The following GSDMB variants were observed in gnomAD, a reference collection of about 807,000 sequenced individuals.
GSDMB encodes the protein gasdermin-B.
Under a neutral mutation model 42.9 loss-of-function variants are expected in GSDMB, and 32 were observed. The ratio of observed to expected loss-of-function variants is 0.75; its 90% CI spans 0.56 to 1.00. The LOEUF is 1.00. GSDMB is among the 50% of genes least tolerant of loss of function. The pLI is 0.00. For missense variants in GSDMB, 468 were observed against 498.5 expected (o/e 0.94, Z 0.58); for synonymous variants, 175 against 193.7 (o/e 0.90, Z 0.80).
At chr17:39,916,512 G>A (rs926505314) in intron 2 of GSDMB, among the ~76,000 whole-genome samples, 2 of 151,084 alleles carry the variant, frequency 1.3e-5, no homozygotes, top group East Asian at 1.9e-4. Flanking sequence ...GGATGGTCTC[G>A]ATCTCCTGAC....
rs2063471939 is a variant in GSDMB at position 39,904,706 on chromosome 17, G to A, written c.*106C>T. The A allele has an allele frequency of 1.1e-6, 1 of 916,126 alleles. No homozygotes were observed. The highest frequency in any genetic ancestry group is 1.6e-5 in the South Asian group (1 of 61,800). The allele number at this position is 916,126 out of a possible 1,614,324, so 56.7% of individuals were successfully genotyped here. A position where few individuals can be genotyped will look rare whatever the true frequency, so the allele number is the denominator to read the frequency against. On this transcript the variant is annotated 3_prime_UTR_variant, in exon 11 of 11. Transcript: ENST00000418519. Reference sequence around the variant, plus strand: ...TACATCAAAGAATGGTTGGCTGCTTGTTTTAAAGAGGTCCCACTGGTGACA... The same window carrying A: ...TACATCAAAGAATGGTTGGCTGCTTATTTTAAAGAGGTCCCACTGGTGACA...
chr17:39,909,066 C>G, intron 4 of GSDMB, 24 bp from the exon 5 acceptor site: 1 of 1,425,902 alleles, frequency 7.0e-7, no homozygotes, highest in Non-Finnish European at 9.7e-7. Context: ...CTCACATTGA[C>G]GGATCCCCAG....
At chr17:39,916,280 A>ATTTTTTTTTTT (rs3076832) in intron 2 of GSDMB, among the ~76,000 whole-genome samples, 2 of 119,116 alleles carry the variant, frequency 1.7e-5, no homozygotes, top group African/African-American at 6.6e-5. Context: ...TTCTCATTTG[A>ATTTTTTTTTTT]TTTTTTTTTT....
chr17:39,906,536 A>T, intron 7 of GSDMB: 2 of 1,365,160 alleles, frequency 1.5e-6, no homozygotes, highest in Non-Finnish European at 1.9e-6. Flanking sequence ...GGAAAAAAAC[A>T]AAAACTTGGT....
chr17:39,908,865 A>C, intron 5 of GSDMB, 93 bp downstream of exon 5: 1 of 814,694 alleles, frequency 1.2e-6, no homozygotes, highest in Non-Finnish European at 2.1e-6. Context: ...CCAGCCACCC[A>C]CCCTAGGCTG....
rs1011082 is a variant in GSDMB at position 39,912,261 on chromosome 17, T to A, written c.407+65A>T. ...TTAAAAAGAGCCGGTCTGCCACCCT[T>A]GAATCCCTTGGTGCCCAAGATGGGC... On this transcript the variant is annotated intron_variant, in intron 3 of 10. Coordinates refer to ENST00000418519, the MANE Select transcript of GSDMB (RefSeq NM_001165958.2). 2.2e-5 allele frequency: 26 copies of A among 1,193,980 alleles called. 1 individual carries two copies. Among genetic ancestry groups the A allele is most frequent in the Non-Finnish European group, 2.9e-5 (24 of 829,062 alleles). The allele number at this position is 1,193,980 out of a possible 1,614,324, so 74.0% of individuals were successfully genotyped here. A position where few individuals can be genotyped will look rare whatever the true frequency, so the allele number is the denominator to read the frequency against.
At chr17:39,912,108 AG>A (rs2063620667) in intron 3 of GSDMB, among the ~76,000 whole-genome samples, 1 of 152,142 alleles carries the variant, frequency 6.6e-6, no homozygotes, top group Admixed American at 6.6e-5. Flanking sequence ...GAGAAGAGGA[AG>A]GCGTGCTTGC....
Position 39,905,995 on chromosome 17 carries a change from G to T in GSDMB, c.889-10C>A, listed in dbSNP as rs1488721325. ...TCAGGACCTCAGATACCTAGGGCCA[G>T]GAAGTGTGGGAGATGAGCAGCAGTC... On this transcript the variant is annotated splice_polypyrimidine_tract_variant and intron_variant, in intron 8 of 10. Coordinates refer to ENST00000418519, the MANE Select transcript of GSDMB (RefSeq NM_001165958.2). 10 of 1,613,734 alleles carry T rather than the reference G, an allele frequency of 6.2e-6. No individual in the cohort carries two copies. In the African/African-American group the frequency reaches 1.3e-4, roughly 22 times the overall value.
intron 2 of GSDMB, among the ~76,000 whole-genome samples, chr17:39,913,707 G>A (rs1277807654): frequency 6.6e-6 from 1 of 152,170 alleles, no homozygotes; most frequent in Non-Finnish European, 1.5e-5. Context: ...GCATGGACTC[G>A]GCCCTGATTG....
Position 39,907,285 on chromosome 17 carries a change from T to C in GSDMB, c.701-298A>G, listed in dbSNP as rs942165228. The C allele has an allele frequency of 8.3e-6, 8 of 967,154 alleles. No individual in the cohort carries two copies. In the African/African-American group the frequency reaches 1.2e-4, roughly 14 times the overall value. 59.9% of individuals were successfully genotyped at this position (967,154 alleles called of 1,614,324 possible). On this transcript the variant is annotated intron_variant, in intron 6 of 10. Coordinates refer to ENST00000418519, the MANE Select transcript of GSDMB (RefSeq NM_001165958.2). ...TCCGCAAATTTGGGTCAGACTTCTC[T>C]ATCCCTTTCCAAGCTCTCTTAGGCA...
At chr17:39,917,601 G>A (rs2144725543) in intron 1 of GSDMB, 1 of 387,482 alleles carries the variant, frequency 2.6e-6, no homozygotes, top group South Asian at 2.4e-5. Flanking sequence ...CCGCCCTTAA[G>A]AAGGTACTTT....
chr17:39,905,584 A>G (rs1362909421), intron 9 of GSDMB, 88 bp from the exon 10 acceptor site: 14 of 1,138,302 alleles, frequency 1.2e-5, no homozygotes, highest in African/African-American at 3.0e-5. Context: ...ATGTATCATC[A>G]AAAGGTTCCA....
chr17:39,912,546 C>G, intron 2 of GSDMB, 49 bp from the exon 3 acceptor site: 1 of 1,480,256 alleles, frequency 6.8e-7, no homozygotes, highest in Non-Finnish European at 9.4e-7. Context: ...CCCAAAAGAT[C>G]TCTCTCCAAA....
Position 39,917,147 on chromosome 17 carries a change from G to GACAT in GSDMB, c.169_170insATGT (p.Thr57AsnfsTer17). On this transcript the variant is annotated frameshift_variant, in exon 2 of 11. Coordinates refer to ENST00000418519, the MANE Select transcript of GSDMB (RefSeq NM_001165958.2). LOFTEE classifies it high-confidence loss of function. ...ATCTGTGTCCAGAATGTCCATCAGGGTGAGGCCTGTTGTGTAGTGCCGGCA... is the reference window on the plus strand; with the variant it reads ...ATCTGTGTCCAGAATGTCCATCAGGGACATTGAGGCCTGTTGTGTAGTGCCGGCA... The GACAT allele has an allele frequency of 1.2e-6, 2 of 1,614,110 alleles. No homozygotes were observed. Among genetic ancestry groups the GACAT allele is most frequent in the Non-Finnish European group, 1.7e-6 (2 of 1,179,996 alleles).
At chr17:39,911,925 G>C (rs2063616789) in intron 3 of GSDMB, among the ~76,000 whole-genome samples, 1 of 151,364 alleles carries the variant, frequency 6.6e-6, no homozygotes, top group South Asian at 2.1e-4. Context: ...GACAGAGCGA[G>C]ACTCCGTCTC....
chr17:39,905,219 A>G, intron 10 of GSDMB: 1 of 605,544 alleles, frequency 1.7e-6, no homozygotes, highest in Non-Finnish European at 2.9e-6. Flanking sequence ...TCTCTTGCCC[A>G]CAGATAAAAA....
chr17:39,906,902 A>C (rs1208586616), intron 7 of GSDMB, 59 bp downstream of exon 7: 1 of 1,612,458 alleles, frequency 6.2e-7, no homozygotes, highest in Non-Finnish European at 8.5e-7. Flanking sequence ...GTCTTGAGCC[A>C]CATGGACTCA....
At position 39,907,038 on chromosome 17, in the gene GSDMB, C is replaced by T. The variant is rs897487344; in HGVS notation, c.701-51G>A. ...AGAATCTTCAGATCACCTCCAGTCC[C>T]CTGCAGACTTCTCTTCCCAGTGATG... is the stretch of plus-strand genomic sequence containing the variant. On this transcript the variant is annotated intron_variant, in intron 6 of 10. Transcript: ENST00000418519. The T allele has an allele frequency of 5.0e-6, 8 of 1,612,766 alleles. No individual in the cohort carries two copies. The African/African-American group carries it at 6.7e-5, about 13-fold the overall frequency.
intron 1 of GSDMB, chr17:39,917,879 C>G (rs1225977399): frequency 6.4e-6 from 1 of 155,972 alleles, no homozygotes; most frequent in African/African-American, 2.4e-5. Context: ...AATGATTTGC[C>G]TGCCTTACTT....
Sources: allele counts gnomAD v4.1 joint callset (sites outside exome capture counted in the v4.1 genomes callset), GRCh38; gene constraint gnomAD v4.1.1; transcripts MANE v1.5; gene names NCBI Gene and HGNC (gene_info 2026-07-23, HGNC 2026-07-21).